The following F8 variants were observed in gnomAD, a reference collection of about 807,000 sequenced individuals.
F8 encodes the protein coagulation factor VIII.
In F8, 12 loss-of-function variants were observed where a neutral mutation model predicts 140.6. The ratio of observed to expected loss-of-function variants is 0.09; its 90% CI spans 0.05 to 0.14. The LOEUF (loss-of-function observed/expected upper bound fraction) is 0.14. Among genes scored for constraint, F8 ranks in the 10% least tolerant of loss-of-function variants. The pLI, the probability that F8 is intolerant of heterozygous loss-of-function variation, is 1.00. For missense variants in F8, 1,354 were observed against 1,720.7 expected, an observed-to-expected ratio of 0.79 and a Z score of 3.77; for synonymous variants, 585 against 614.6, an observed-to-expected ratio of 0.95 and a Z score of 0.71.
chrX:154,935,638 A>G (rs781971992), intron 13 of F8, among the ~76,000 whole-genome samples: 1 of 111,751 alleles, frequency 8.9e-6, no homozygotes, highest in Non-Finnish European at 1.9e-5. Flanking sequence ...GCCTTCCTAG[A>G]TGTGACATCA....
intron 12 of F8, among the ~76,000 whole-genome samples, chrX:154,948,870 T>C (rs1252388955): frequency 1.8e-5 from 2 of 112,118 alleles, no homozygotes; most frequent in Non-Finnish European, 3.8e-5. Context: ...TGAGATATTA[T>C]AAAGCTATTA....
At chrX:154,847,562 C>A (rs1282333058) in intron 25 of F8, among the ~76,000 whole-genome samples, 1 of 112,381 alleles carries the variant, frequency 8.9e-6, no homozygotes, top group African/African-American at 3.2e-5. Flanking sequence ...ACCCTTTCTT[C>A]CAGTTGATCG....
Position 154,928,908 on chromosome X carries a change from C to T in F8, c.4882G>A (p.Ala1628Thr), listed in dbSNP as rs2073175413. Residue 1628 changes from alanine to threonine, a missense_variant, in exon 14 of 26, where the codon GCA becomes ACA. Transcript: ENST00000360256. ...LSLNACESNH[A>T]IAAINEGQNK... ...TGTCCCTCATTTATTGCTGCTATTGCATGATTGCTTTCACAAGCGTTCAGG... is the reference window on the plus strand; with the variant it reads ...TGTCCCTCATTTATTGCTGCTATTGTATGATTGCTTTCACAAGCGTTCAGG... The T allele has an allele frequency of 8.3e-7, 1 of 1,209,897 alleles. No individual in the cohort carries two copies.
rs782301004 is a variant in F8, at chrX:154,904,122, T to A, written c.5816-34A>T. 10 of 1,198,767 alleles carry A rather than the reference T, an allele frequency of 8.3e-6. No individual in the cohort carries two copies. The South Asian group carries it at 1.1e-4, about 13-fold the overall frequency. On this transcript the variant is annotated intron_variant, in intron 17 of 25. Coordinates refer to ENST00000360256, the MANE Select transcript of F8 (RefSeq NM_000132.4). ...GGACACAGAGAAGCCTGTTAAAATC[T>A]ATTATATAAGTTTCTTTCTCTCCAC...
At chrX:154,959,602 T>C (rs905622898) in intron 10 of F8, among the ~76,000 whole-genome samples, 3 of 111,877 alleles carry the variant, frequency 2.7e-5, no homozygotes, top group Non-Finnish European at 5.6e-5. Flanking sequence ...CACCCTACAG[T>C]GCTATAGAAC....
rs782045801 is a variant in F8 at position 155,022,566 on chromosome X, A to G, written c.-14T>C. 8.2e-7 allele frequency: 1 copy of G among 1,212,192 alleles called. No homozygotes were observed. The highest frequency in any genetic ancestry group is 3.0e-5 in the East Asian group (1 of 33,873). The stretch of plus-strand genomic sequence containing the variant: ...CTCTATTTGCATGACTTATTGCTAC[A>G]AATGTTCAACTGGAGAAGCAAAAGG... On this transcript the variant is annotated 5_prime_UTR_variant, in exon 1 of 26. Coordinates refer to ENST00000360256, the MANE Select transcript of F8 (RefSeq NM_000132.4).
At chrX:154,997,893 T>C (rs1282121780) in intron 2 of F8, among the ~76,000 whole-genome samples, 1 of 112,083 alleles carries the variant, frequency 8.9e-6, no homozygotes, top group Non-Finnish European at 1.9e-5. Flanking sequence ...AAAACTCCTA[T>C]GATTTTGGCT....
chrX:154,919,738 C>A (rs1246322005), intron 14 of F8: 2 of 323,959 alleles, frequency 6.2e-6, no homozygotes, highest in East Asian at 6.8e-5. Context: ...CTGAAGCACT[C>A]GGCCCATGGC....
chrX:154,952,258 C>A (rs191070407), intron 12 of F8, among the ~76,000 whole-genome samples: 16 of 111,861 alleles, frequency 1.4e-4, no homozygotes, highest in Admixed American at 1.4e-3. Context: ...AAATCTGAAT[C>A]CTTCAGAAGG....
At chrX:154,953,448 C>T (rs1163869331) in intron 12 of F8, among the ~76,000 whole-genome samples, 1 of 112,005 alleles carries the variant, frequency 8.9e-6, no homozygotes, top group Non-Finnish European at 1.9e-5. Flanking sequence ...TGCCCACATC[C>T]TGATCTCAAG....
chrX:154,947,955 T>G (rs1166898943), intron 12 of F8, 48 bp from the exon 13 acceptor site: 1 of 977,274 alleles, frequency 1.0e-6, no homozygotes, highest in Non-Finnish European at 1.5e-6. Flanking sequence ...ACAGATTTAG[T>G]ATTTTGGATT....
chrX:154,940,216 C>T (rs949558592), intron 13 of F8, among the ~76,000 whole-genome samples: 4 of 111,395 alleles, frequency 3.6e-5, no homozygotes, highest in African/African-American at 6.5e-5. Context: ...CAAACTACTC[C>T]GAGCTAAAGG....
At chrX:154,859,598 G>A (rs782231198) in intron 25 of F8, among the ~76,000 whole-genome samples, 73 of 111,323 alleles carry the variant, frequency 6.6e-4, no homozygotes, top group African/African-American at 2.1e-3. Context: ...CACCGCGCCC[G>A]GCCTTCACTT....
At chrX:154,983,815 A>T (rs1030459523) in intron 6 of F8, among the ~76,000 whole-genome samples, 1 of 112,019 alleles carries the variant, frequency 8.9e-6, no homozygotes, top group Admixed American at 9.4e-5. Flanking sequence ...TATAGAGCAG[A>T]ATTTCCAGGG....
intron 12 of F8, among the ~76,000 whole-genome samples, chrX:154,952,496 A>G (rs782515019): frequency 9.0e-6 from 1 of 111,209 alleles, no homozygotes; most frequent in African/African-American, 3.3e-5. Context: ...GTAGGTGAGT[A>G]TAACTCACAT....
intron 6 of F8, among the ~76,000 whole-genome samples, chrX:154,981,271 C>T (rs192166364): frequency 1.3e-3 from 149 of 110,989 alleles, no homozygotes; most frequent in African/African-American, 4.7e-3. Context: ...CTCATGGGTT[C>T]AGGTTTTCTT....
At chrX:154,862,899 C>A (rs1427167434) in intron 23 of F8, among the ~76,000 whole-genome samples, 184 bp downstream of exon 23, 2 of 111,868 alleles carry the variant, frequency 1.8e-5, no homozygotes, top group Non-Finnish European at 3.8e-5. Context: ...TGATTATATA[C>A]CCAGTGATGG....
intron 22 of F8, among the ~76,000 whole-genome samples, chrX:154,866,950 T>C (rs782602130): frequency 7.2e-5 from 8 of 110,975 alleles, no homozygotes; most frequent in Admixed American, 4.8e-4. Flanking sequence ...AATTGACAAG[T>C]CCTTATCTAG....
intron 22 of F8, among the ~76,000 whole-genome samples, chrX:154,877,443 T>C (rs1320748192): frequency 9.0e-6 from 1 of 111,706 alleles, no homozygotes; most frequent in African/African-American, 3.3e-5. Flanking sequence ...CATGAGTTAA[T>C]GAATGTGTGT....
Sources: allele counts gnomAD v4.1 joint callset (sites outside exome capture counted in the v4.1 genomes callset), GRCh38; gene constraint gnomAD v4.1.1; transcripts MANE v1.5; gene names NCBI Gene and HGNC (gene_info 2026-07-23, HGNC 2026-07-21).